Variants in C1orf94 observed in about 807,000 individuals in gnomAD.
C1orf94 encodes the protein chromosome 1 open reading frame 94.
C1orf94 carries 45 observed loss-of-function variants against 53.6 expected under a neutral mutation model. The observed-to-expected ratio is 0.84, with a 90% CI of 0.66 to 1.08. The LOEUF is 1.08. Ranked by LOEUF, C1orf94 falls within the 50% of genes least tolerant of loss-of-function variation. C1orf94 has a pLI of 0.00. For synonymous variants in C1orf94, 304 were observed against 296.1 expected, an observed-to-expected ratio of 1.03 and a Z score of -0.27; for missense variants, 762 against 738.9, an observed-to-expected ratio of 1.03 and a Z score of -0.36.
chr1:34,202,101 G>A lies in C1orf94; in HGVS notation c.1288G>A (p.Val430Ile), dbSNP rs1306245213. Residue 430 changes from valine (V) to isoleucine (I), a missense_variant, in exon 4 of 7, where the codon GTT (valine) becomes ATT (isoleucine). Transcript: ENST00000488417. Reference protein sequence around the residue: ...PELKFNAPVTVADKNNPKYTG... With the variant: ...PELKFNAPVTIADKNNPKYTG... ...ACTTGCAGTTAACGCACCTGTGACG[G>A]TTGCTGACAAGAACAACCCGAAGTA... 1.2e-6 allele frequency: 2 copies of A among 1,613,856 alleles called. No individual in the cohort carries two copies. The highest frequency in any genetic ancestry group is 2.2e-5 in the East Asian group (1 of 44,858).
chr1:34,210,877 ACTC>A (rs111371719), intron 5 of C1orf94, among the ~76,000 whole-genome samples: 3,770 of 151,486 alleles, frequency 0.025, 138 homozygotes, highest in African/African-American at 0.084. Context: ...CTGGTCTCAA[ACTC>A]CTGACCTTGT....
chr1:34,182,897 C>A (rs1642331800), intron 1 of C1orf94, among the ~76,000 whole-genome samples: 1 of 152,122 alleles, frequency 6.6e-6, no homozygotes, highest in East Asian at 1.9e-4. Flanking sequence ...TGTAGAGAAG[C>A]TTTCCTCAGA....
chr1:34,173,805 GATTAAATGGTGTCCATGACC>G (rs1430399143), upstream of C1orf94, among the ~76,000 whole-genome samples: 1 of 152,146 alleles, frequency 6.6e-6, no homozygotes, highest in African/African-American at 2.4e-5. Flanking sequence ...ATAATTTACA[GATTAAATGGTGTCCATGACC>G]ATTAAATGCT....
chr1:34,168,394 G>A (rs1642084705), intron 1 of C1orf94, among the ~76,000 whole-genome samples: 1 of 152,064 alleles, frequency 6.6e-6, no homozygotes, highest in Non-Finnish European at 1.5e-5. Flanking sequence ...AAAAGGAAAG[G>A]GGGCCAGGAG....
chr1:34,212,546 G>GT (rs1642912381), intron 6 of C1orf94, 140 bp downstream of exon 6: 5 of 878,618 alleles, frequency 5.7e-6, no homozygotes, highest in Non-Finnish European at 8.5e-6. Context: ...CCTGTGGCTG[G>GT]TGGTTGTGTG....
In C1orf94 at chr1:34,210,891, G is replaced by A. The variant is rs184108630; in HGVS notation, c.1525-1319G>A. ...GCTGGTCTCAAACTCCTGACCTTGT[G>A]ATCCACCCACCTCGTCCTCCCAAAG... On this transcript the variant is annotated intron_variant, in intron 5 of 6. Coordinates refer to ENST00000488417, the MANE Select transcript of C1orf94 (RefSeq NM_001134734.2). 3.3e-3 allele frequency among the ~76,000 whole-genome samples: 504 copies of A among 152,120 alleles called. 1 individual carries two copies. The highest frequency in any genetic ancestry group is 6.0e-3 in the Admixed American group (92 of 15,290).
chr1:34,202,237 A>C lies in C1orf94; in HGVS notation c.1424A>C (p.His475Pro), dbSNP rs1391428876. The change falls in exon 4 of 7, where the codon CAC becomes CCC. Residue 475 changes from histidine (H) to proline (P), a missense_variant. Physicochemically the swap from His to Pro is moderately conservative, Grantham distance 77. Coordinates refer to ENST00000488417, the MANE Select transcript of C1orf94 (RefSeq NM_001134734.2). ...NYPPPPVFTN[H>P]STFLQYQGLY... ...CCACCTCCACCAGTGTTCACGAATCACTCTACCTTCTTGCAGTATCAGGTC... is the reference window on the plus strand; with the variant it reads ...CCACCTCCACCAGTGTTCACGAATCCCTCTACCTTCTTGCAGTATCAGGTC... The C allele has an allele frequency of 6.2e-7, 1 of 1,613,846 alleles. No homozygotes were observed. The highest frequency in any genetic ancestry group is 8.5e-7 in the Non-Finnish European group (1 of 1,179,930).
intron 1 of C1orf94, among the ~76,000 whole-genome samples, chr1:34,185,901 A>G (rs12565498): frequency 0.31 from 47,514 of 152,092 alleles, 8,278 homozygotes; most frequent in South Asian, 0.47. Flanking sequence ...CACATGCTCT[A>G]TAAACCAACA....
intron 4 of C1orf94, among the ~76,000 whole-genome samples, chr1:34,207,754 T>A (rs547226826): frequency 1.1e-4 from 16 of 152,236 alleles, no homozygotes; most frequent in Admixed American, 5.9e-4. Context: ...TTTAGAAAAG[T>A]TGTGTGGACA....
intron 1 of C1orf94, among the ~76,000 whole-genome samples, chr1:34,168,417 G>A (rs554390183): frequency 1.2e-4 from 18 of 152,200 alleles, no homozygotes; most frequent in African/African-American, 4.3e-4. Context: ...GGAGGATGGG[G>A]CTGGATCCAG....
At chr1:34,174,720 C>G (rs1051517243), upstream of C1orf94, among the ~76,000 whole-genome samples, 5 of 152,142 alleles carry the variant, frequency 3.3e-5, no homozygotes, top group Non-Finnish European at 7.3e-5. Context: ...CTTCTAACCT[C>G]TAGAATGGCA....
rs762299922 is a variant in C1orf94 at position 34,212,343 on chromosome 1, AC to A, written c.1663del (p.Arg555GlufsTer5). On this transcript the variant is annotated frameshift_variant, in exon 6 of 7. Transcript: ENST00000488417. LOFTEE classifies it high-confidence loss of function. ...AGGACACCTCCAAAGATGTCTGCCA[AC>A]CCCCGAGACCCTCCCCTAATGGCAG... ...PQRTPPKMSANPRDPPLMAGD... is the reference protein window; with the variant it reads ...PQRTPPKMSAXPRDPPLMAGD... 1.2e-6 allele frequency: 2 copies of A among 1,613,752 alleles called. No individual in the cohort carries two copies. Among genetic ancestry groups the A allele is most frequent in the East Asian group, 4.5e-5 (2 of 44,822 alleles).
At chr1:34,190,714 G>C (rs1642468073) in intron 1 of C1orf94, among the ~76,000 whole-genome samples, 1 of 152,204 alleles carries the variant, frequency 6.6e-6, no homozygotes, top group East Asian at 1.9e-4. Flanking sequence ...GATTGCCTCA[G>C]ATCACTGGCT....
intron 6 of C1orf94, among the ~76,000 whole-genome samples, chr1:34,212,710 G>A (rs541596051): frequency 3.3e-5 from 5 of 152,282 alleles, no homozygotes; most frequent in East Asian, 1.9e-4. Flanking sequence ...TTGGTGCAAC[G>A]ATGCATTTGC....
intron 5 of C1orf94, among the ~76,000 whole-genome samples, chr1:34,209,150 G>C (rs1369961376): frequency 6.6e-6 from 1 of 152,108 alleles, no homozygotes; most frequent in Non-Finnish European, 1.5e-5. Flanking sequence ...GGTAGGTCAG[G>C]ATAAATATCT....
intron 1 of C1orf94, among the ~76,000 whole-genome samples, chr1:34,191,461 T>G (rs902158724): frequency 6.6e-6 from 1 of 151,880 alleles, no homozygotes; most frequent in African/African-American, 2.4e-5. Flanking sequence ...AGTTTCCACC[T>G]CCCTCCAGGG....
intron 6 of C1orf94, among the ~76,000 whole-genome samples, chr1:34,217,463 T>C (rs1299721979): frequency 8.7e-6 from 1 of 114,398 alleles, no homozygotes; most frequent in East Asian, 2.8e-4. Flanking sequence ...AACATCATTA[T>C]GATTTCTGAA....
chr1:34,175,316 C>T (rs780778729), upstream of C1orf94, among the ~76,000 whole-genome samples: 5 of 151,798 alleles, frequency 3.3e-5, no homozygotes, highest in Admixed American at 1.3e-4. Context: ...GGGGCCTGGG[C>T]AGTGCAGGGT....
chr1:34,169,822 C>T (rs866003800), intron 1 of C1orf94, among the ~76,000 whole-genome samples: 2 of 152,336 alleles, frequency 1.3e-5, no homozygotes, highest in Middle Eastern at 3.4e-3. Context: ...GCGAGGCTAT[C>T]ACCATAGAGG....
Sources: gnomAD v4.1 joint callset for allele counts (sites outside exome capture counted in the v4.1 genomes callset) on GRCh38, gnomAD v4.1.1 for gene constraint, MANE v1.5 for transcripts, NCBI Gene and HGNC (gene_info 2026-07-23, HGNC 2026-07-21) for gene names.